The following UBE3C variants were observed in gnomAD, a reference collection of about 807,000 sequenced individuals.
The protein encoded by UBE3C is ubiquitin-protein ligase E3C.
UBE3C carries 42 observed loss-of-function variants against 129.4 expected under a neutral mutation model. The observed-to-expected ratio is 0.32, with a 90% CI of 0.25 to 0.42. The LOEUF is 0.42. Ranked by LOEUF, UBE3C falls within the 10% of genes least tolerant of loss-of-function variation. UBE3C has a pLI of 1.00. For missense variants in UBE3C, 1,049 were observed against 1,319.1 expected, an observed-to-expected ratio of 0.80 and a Z score of 3.17; for synonymous variants, 510 against 492.4, an observed-to-expected ratio of 1.04 and a Z score of -0.47.
At chr7:157,238,743 T>A (rs1210100978) in intron 18 of UBE3C, among the ~76,000 whole-genome samples, 1 of 151,966 alleles carries the variant, frequency 6.6e-6, no homozygotes, top group Non-Finnish European at 1.5e-5. Flanking sequence ...AGGGTGTAGG[T>A]GTCACTGGAG....
intron 9 of UBE3C, among the ~76,000 whole-genome samples, 161 bp from the exon 10 acceptor site, chr7:157,186,673 C>T (rs1297648414): frequency 6.6e-6 from 1 of 152,018 alleles, no homozygotes; most frequent in Non-Finnish European, 1.5e-5. Context: ...TGACTGGATC[C>T]CTAGAGGATT....
intron 10 of UBE3C, among the ~76,000 whole-genome samples, chr7:157,199,454 T>A (rs1021875149): frequency 2.6e-5 from 4 of 151,876 alleles, no homozygotes; most frequent in Admixed American, 6.6e-5. Flanking sequence ...AGAGTGAATT[T>A]TTTTTATTTT....
rs1796953425 is a variant in UBE3C at position 157,262,708 on chromosome 7, A to G, written c.3082-4877A>G. Among the ~76,000 whole-genome samples, 4 of 152,154 alleles carry G rather than the reference A, an allele frequency of 2.6e-5. 1 individual carries two copies. The South Asian group carries it at 8.3e-4, about 32-fold the overall frequency. On this transcript the variant is annotated intron_variant, in intron 22 of 22. Coordinates refer to ENST00000348165, the MANE Select transcript of UBE3C (RefSeq NM_014671.3). ...AGTGCTGGGATTACAGGCATGAGCCACCGCGCCCATCCTCTTCATAGCATT... is the reference window on the plus strand; with the variant it reads ...AGTGCTGGGATTACAGGCATGAGCCGCCGCGCCCATCCTCTTCATAGCATT...
At chr7:157,266,710 A>C (rs1444730606) in intron 22 of UBE3C, among the ~76,000 whole-genome samples, 1 of 152,224 alleles carries the variant, frequency 6.6e-6, no homozygotes, top group Non-Finnish European at 1.5e-5. Context: ...TAGCTTGTAC[A>C]GGAAAGATAG....
chr7:157,233,249 G>A (rs1477859000), intron 18 of UBE3C, among the ~76,000 whole-genome samples: 1 of 152,122 alleles, frequency 6.6e-6, no homozygotes, highest in East Asian at 1.9e-4. Context: ...CTCATTTGAA[G>A]GGCCAAATCT....
At chr7:157,255,202 G>C (rs1270006183) in intron 21 of UBE3C, among the ~76,000 whole-genome samples, 1 of 152,162 alleles carries the variant, frequency 6.6e-6, no homozygotes, top group African/African-American at 2.4e-5. Context: ...TAAATGGCCA[G>C]TAAGCAAATA....
chr7:157,181,613 C>T lies in UBE3C; in HGVS notation c.712C>T (p.Leu238=), dbSNP rs1178186552. ...TCGAGTTCCTATAGCAAAAATTTTG[C>T]TAGAGAATGTTCTAAAACCATTGCA... The part of the protein sequence containing the change: ...LSRVPIAKIL[L]ENVLKPLHFT... The change falls in exon 7 of 23, where the codon CTA becomes TTA. Residue 238 remains leucine (L), a synonymous_variant. Coordinates refer to ENST00000348165, the MANE Select transcript of UBE3C (RefSeq NM_014671.3). The T allele has an allele frequency of 3.7e-6, 6 of 1,613,536 alleles. No homozygotes were observed. The highest frequency in any genetic ancestry group is 3.3e-5 in the Admixed American group (2 of 59,904).
chr7:157,227,990 TTAGTA>T (rs1455058150), intron 17 of UBE3C, among the ~76,000 whole-genome samples: 1 of 152,232 alleles, frequency 6.6e-6, no homozygotes, highest in African/African-American at 2.4e-5. Flanking sequence ...GCTACGCAAA[TTAGTA>T]AAGTCAGATA....
chr7:157,161,162 T>C (rs905664492), intron 1 of UBE3C, among the ~76,000 whole-genome samples: 2 of 152,182 alleles, frequency 1.3e-5, no homozygotes, highest in African/African-American at 4.8e-5. Flanking sequence ...GTTTGTAGAT[T>C]AGTTAATGTT....
At chr7:157,186,415 C>CA (rs11390914) in intron 9 of UBE3C, among the ~76,000 whole-genome samples, 31,351 of 135,484 alleles carry the variant, frequency 0.23, 3,506 homozygotes, top group East Asian at 0.38. Flanking sequence ...AAGACTGTCT[C>CA]AAAAAAAAAA....
rs183346036 is a variant in UBE3C at position 157,269,103 on chromosome 7, A to G, written c.*1348A>G. On this transcript the variant is annotated 3_prime_UTR_variant, in exon 23 of 23. Transcript: ENST00000348165. ...ATTTCTTAATTTGAATAATAAATTA[A>G]GCGTTTAAATGCTATTTGTAGTCTT... 0.012 allele frequency: 1,866 copies of G among 152,766 alleles called. 20 individuals are homozygous for G. Among genetic ancestry groups the G allele is most frequent in the Non-Finnish European group, 0.019 (1,294 of 68,032 alleles). 9.5% of individuals were successfully genotyped at this position (152,766 alleles called of 1,614,324 possible).
At chr7:157,267,217 T>A (rs1326865593) in intron 22 of UBE3C, among the ~76,000 whole-genome samples, 1 of 150,730 alleles carries the variant, frequency 6.6e-6, no homozygotes, top group Non-Finnish European at 1.5e-5. Context: ...AAGTCAGGAG[T>A]TCAAGACCAT....
intron 10 of UBE3C, chr7:157,189,296 C>T (rs1436407127): frequency 9.0e-6 from 2 of 223,008 alleles, no homozygotes; most frequent in Non-Finnish European, 1.7e-5. Flanking sequence ...ATTGCCAGCT[C>T]CTTTTCTGAG....
At chr7:157,178,898 G>A in intron 6 of UBE3C, 51 bp downstream of exon 6, 1 of 1,594,078 alleles carries the variant, frequency 6.3e-7, no homozygotes, top group Non-Finnish European at 8.6e-7. Flanking sequence ...GATGGGGAGT[G>A]AGCAGAGGCC....
intron 1 of UBE3C, 39 bp downstream of exon 1, chr7:157,139,377 C>A: frequency 6.6e-7 from 1 of 1,515,208 alleles, no homozygotes; most frequent in South Asian, 1.2e-5. Flanking sequence ...GGCTCGGGGC[C>A]TGCGCGGCCG....
At chr7:157,176,067 G>T (rs370374719) in intron 5 of UBE3C, among the ~76,000 whole-genome samples, 9 of 152,168 alleles carry the variant, frequency 5.9e-5, no homozygotes, top group African/African-American at 1.9e-4. Context: ...CACCTTTAAC[G>T]TAACTTTTGA....
Position 157,263,919 on chromosome 7 carries a change from G to A in UBE3C, c.3082-3666G>A, listed in dbSNP as rs79017747. 5.7e-3 allele frequency among the ~76,000 whole-genome samples: 865 copies of A among 152,084 alleles called. 11 individuals are homozygous for A. The highest frequency in any genetic ancestry group is 0.019 in the African/African-American group (784 of 41,468). On this transcript the variant is annotated intron_variant, in intron 22 of 22. Transcript: ENST00000348165. ...GTTTTATCTACCTACATGAGTGTGT[G>A]TTAATGTAGATATGCATAATTTTTT...
At chr7:157,240,187 T>G (rs1014214461) in intron 18 of UBE3C, among the ~76,000 whole-genome samples, 6 of 152,130 alleles carry the variant, frequency 3.9e-5, no homozygotes, top group African/African-American at 1.4e-4. Context: ...CCCAAGTAAC[T>G]GGGACTACGG....
chr7:157,237,536 T>C (rs1490201275), intron 18 of UBE3C, among the ~76,000 whole-genome samples: 5 of 152,224 alleles, frequency 3.3e-5, no homozygotes, highest in Non-Finnish European at 7.3e-5. Flanking sequence ...TATTGAGTTA[T>C]TCCTTCCTTT....
Sources: gnomAD v4.1 joint callset for allele counts (sites outside exome capture counted in the v4.1 genomes callset) on GRCh38, gnomAD v4.1.1 for gene constraint, MANE v1.5 for transcripts, NCBI Gene and HGNC (gene_info 2026-07-23, HGNC 2026-07-21) for gene names.